The following GRM8 variants were observed in gnomAD, a reference collection of about 807,000 sequenced individuals.
GRM8 encodes glutamate metabotropic receptor 8, also known as metabotropic glutamate receptor 8.
GRM8 carries 47 observed loss-of-function variants against 87.2 expected under a neutral mutation model. That is an observed-to-expected ratio of 0.54 (90% confidence interval 0.43 to 0.69). The LOEUF (loss-of-function observed/expected upper bound fraction) is 0.69, where lower values mean the gene tolerates loss of function less well. Ranked by LOEUF, GRM8 falls within the 30% of genes least tolerant of loss-of-function variation. The probability of loss-of-function intolerance (pLI) is 0.00; values close to 1 mark genes in which losing one functional copy is unlikely to be tolerated. For missense variants in GRM8, 1,019 were observed against 1,139.2 expected (o/e 0.89, Z 1.52); for synonymous variants, 396 against 404.5 (o/e 0.98, Z 0.25).
chr7:127,172,821 G>A (rs1358934697), intron 2 of GRM8, among the ~76,000 whole-genome samples: 1 of 152,108 alleles, frequency 6.6e-6, no homozygotes, highest in Non-Finnish European at 1.5e-5. Flanking sequence ...AAAGGAAGGA[G>A]GATTAAAACG....
chr7:126,672,428 C>G (rs1396973483), intron 7 of GRM8, among the ~76,000 whole-genome samples: 1 of 152,170 alleles, frequency 6.6e-6, no homozygotes, highest in Non-Finnish European at 1.5e-5. Context: ...CTCTGTACCC[C>G]TTTAGACTGC....
At chr7:127,200,153 A>G (rs1211663237) in intron 2 of GRM8, among the ~76,000 whole-genome samples, 1 of 152,174 alleles carries the variant, frequency 6.6e-6, no homozygotes, top group Non-Finnish European at 1.5e-5. Flanking sequence ...AAGTTTCCTC[A>G]GGCTCATCCC....
In GRM8 at chr7:127,241,053, C is replaced by T. The variant is rs978209121; in HGVS notation, c.510+1642G>A. Among the ~76,000 whole-genome samples the T allele has an allele frequency of 1.3e-5, 2 of 152,234 alleles. 1 individual carries two copies. The highest frequency in any genetic ancestry group is 4.1e-4 in the South Asian group (2 of 4,832). ...CAAATGTCTCCAGCACACCCTGAAG[C>T]CTGTTTGTGCCTCTTCAGTACTCCT... On this transcript the variant is annotated intron_variant, in intron 2 of 10. Coordinates refer to ENST00000339582, the MANE Select transcript of GRM8 (RefSeq NM_000845.3).
At chr7:126,491,571 G>A (rs575076463) in intron 9 of GRM8, among the ~76,000 whole-genome samples, 1 of 152,096 alleles carries the variant, frequency 6.6e-6, no homozygotes, top group Non-Finnish European at 1.5e-5. Flanking sequence ...CATACCGTTA[G>A]AAGTAATGGG....
intron 7 of GRM8, among the ~76,000 whole-genome samples, chr7:126,734,011 ACTT>A (rs1361343040): frequency 3.9e-5 from 6 of 152,090 alleles, no homozygotes; most frequent in Non-Finnish European, 7.4e-5. Flanking sequence ...CATATCAATA[ACTT>A]CTTAATATAC....
chr7:126,603,980 T>C (rs1246096366), intron 8 of GRM8, among the ~76,000 whole-genome samples: 2 of 142,462 alleles, frequency 1.4e-5, no homozygotes, highest in Non-Finnish European at 3.2e-5. Flanking sequence ...TTAATGAAAG[T>C]AATGATTTTT....
intron 6 of GRM8, among the ~76,000 whole-genome samples, chr7:126,863,231 T>C (rs573185488): frequency 2.8e-4 from 42 of 152,254 alleles, no homozygotes; most frequent in African/African-American, 9.6e-4. Flanking sequence ...TAGAAGTCCA[T>C]TTTTAAATTT....
At chr7:126,645,170 G>A (rs574755953) in intron 7 of GRM8, among the ~76,000 whole-genome samples, 1 of 152,308 alleles carries the variant, frequency 6.6e-6, no homozygotes, top group South Asian at 2.1e-4. Flanking sequence ...CACAAGAATA[G>A]GATTATGGGA....
rs560452148 is a variant in GRM8 at position 126,476,725 on chromosome 7, A to C, written c.2431-30353T>G. On this transcript the variant is annotated intron_variant, in intron 9 of 10. Transcript: ENST00000339582. Reference sequence around the variant, plus strand: ...CCTCACAACTGTTAGATTGGCTATTATCCAAAAGAAAAAAATAACAAATGT... The same window carrying C: ...CCTCACAACTGTTAGATTGGCTATTCTCCAAAAGAAAAAAATAACAAATGT... 3.1e-4 allele frequency among the ~76,000 whole-genome samples: 47 copies of C among 152,278 alleles called. 1 individual carries two copies. The highest frequency in any genetic ancestry group is 1.1e-3 in the African/African-American group (47 of 41,584).
rs912165455 is a variant in GRM8, at chr7:127,226,664, C to A, written c.510+16031G>T. Among the ~76,000 whole-genome samples the A allele has an allele frequency of 3.3e-5, 5 of 152,188 alleles. No homozygotes were observed. In the East Asian group the frequency reaches 9.6e-4, roughly 29 times the overall value. The stretch of plus-strand genomic sequence containing the variant: ...ATGGGGTTCCATGGTTTCAATATAA[C>A]GTTAAATTTGAAAATTAACGCCTCA... On this transcript the variant is annotated intron_variant, in intron 2 of 10. Coordinates refer to ENST00000339582, the MANE Select transcript of GRM8 (RefSeq NM_000845.3).
At chr7:127,181,698 T>C (rs954127844) in intron 2 of GRM8, among the ~76,000 whole-genome samples, 6 of 151,976 alleles carry the variant, frequency 3.9e-5, no homozygotes. Context: ...CCCAAATACT[T>C]ACAGCCAACT....
chr7:126,993,763 G>A (rs1045611017), intron 3 of GRM8, among the ~76,000 whole-genome samples: 2 of 152,194 alleles, frequency 1.3e-5, no homozygotes, highest in African/African-American at 4.8e-5. Flanking sequence ...CTCAGCCAGT[G>A]CCCACACATG....
chr7:127,151,562 G>A (rs1315321535), intron 2 of GRM8, among the ~76,000 whole-genome samples: 6 of 152,198 alleles, frequency 3.9e-5, no homozygotes, highest in Admixed American at 3.9e-4. Context: ...GGAGGCGATC[G>A]GGATGCTGTT....
intron 2 of GRM8, among the ~76,000 whole-genome samples, chr7:127,132,153 G>A (rs950437058): frequency 6.6e-6 from 1 of 152,108 alleles, no homozygotes; most frequent in African/African-American, 2.4e-5. Flanking sequence ...TTGGAATCAG[G>A]GTCTTGCTTT....
rs1000616294 is a variant in GRM8 at position 127,054,603 on chromosome 7, T to C, written c.727+51893A>G. 1.1e-4 allele frequency among the ~76,000 whole-genome samples: 16 copies of C among 152,252 alleles called. 1 individual carries two copies. The highest frequency in any genetic ancestry group is 5.2e-4 in the Admixed American group (8 of 15,292). On this transcript the variant is annotated intron_variant, in intron 3 of 10. Transcript: ENST00000339582. The stretch of plus-strand genomic sequence containing the variant: ...ACTGGATGTTAGCGCAACTAGTAAC[T>C]CGTTGAACATTTGTACCCAAAAGGC...
intron 3 of GRM8, among the ~76,000 whole-genome samples, chr7:127,078,710 T>C (rs1381852784): frequency 6.6e-6 from 1 of 152,232 alleles, no homozygotes; most frequent in Non-Finnish European, 1.5e-5. Flanking sequence ...AGCTTTCAAT[T>C]TGCATTGCAA....
At chr7:127,112,858 G>A (rs1405893660) in intron 2 of GRM8, among the ~76,000 whole-genome samples, 23 of 152,118 alleles carry the variant, frequency 1.5e-4, no homozygotes, top group Admixed American at 6.5e-5. Context: ...GACAGCCCAC[G>A]GACTTCAATG....
intron 7 of GRM8, among the ~76,000 whole-genome samples, chr7:126,734,748 A>G (rs1001448252): frequency 6.6e-6 from 1 of 152,132 alleles, no homozygotes; most frequent in African/African-American, 2.4e-5. Context: ...TTTTAGTTTA[A>G]AACGAATTTC....
At chr7:127,146,158 T>C (rs1828541996) in intron 2 of GRM8, among the ~76,000 whole-genome samples, 1 of 152,068 alleles carries the variant, frequency 6.6e-6, no homozygotes, top group African/African-American at 2.4e-5. Context: ...GTTACTGATC[T>C]ATTTTTTAAT....
Sources: gnomAD v4.1 joint callset for allele counts (sites outside exome capture counted in the v4.1 genomes callset) on GRCh38, gnomAD v4.1.1 for gene constraint, MANE v1.5 for transcripts, NCBI Gene and HGNC (gene_info 2026-07-23, HGNC 2026-07-21) for gene names.